RIT2: variants seen among roughly 807,000 people sequenced by gnomAD.
RIT2 encodes Ras like without CAAX 2.
Under a neutral mutation model 23.7 loss-of-function variants are expected in RIT2, and 24 were observed. The observed-to-expected ratio is 1.01, with a 90% CI of 0.73 to 1.43. The LOEUF (loss-of-function observed/expected upper bound fraction) is 1.43, where lower values mean the gene tolerates loss of function less well. RIT2 is among the 40% of genes most tolerant of loss of function. RIT2 has a pLI of 0.00. For synonymous variants in RIT2, 107 were observed against 91.1 expected, an observed-to-expected ratio of 1.17 and a Z score of -0.99; for missense variants, 236 against 266.9, an observed-to-expected ratio of 0.88 and a Z score of 0.81.
At chr18:43,114,186 C>T (rs1229218008) in intron 1 of RIT2, among the ~76,000 whole-genome samples, 3 of 151,986 alleles carry the variant, frequency 2.0e-5, no homozygotes, top group Non-Finnish European at 4.4e-5. Context: ...ATTTTTTTCA[C>T]TTTGATATGC....
intron 1 of RIT2, among the ~76,000 whole-genome samples, chr18:43,063,179 A>G (rs1484345513): frequency 6.6e-6 from 1 of 152,178 alleles, no homozygotes; most frequent in Non-Finnish European, 1.5e-5. Context: ...AAAAAGAGAT[A>G]ATACATCTTA....
chr18:42,952,841 T>C (rs1272263272), intron 3 of RIT2, among the ~76,000 whole-genome samples: 1 of 152,008 alleles, frequency 6.6e-6, no homozygotes, highest in Non-Finnish European at 1.5e-5. Context: ...TCAGAGTTCC[T>C]ATATATCTAT....
chr18:42,957,012 T>C (rs1035165079), intron 3 of RIT2, among the ~76,000 whole-genome samples: 4 of 152,194 alleles, frequency 2.6e-5, no homozygotes, highest in African/African-American at 9.6e-5. Flanking sequence ...TCTGGGCTGT[T>C]CTATGGCAAA....
At position 42,968,370 on chromosome 18, in the gene RIT2, T is replaced by G. The variant is rs1199068130; in HGVS notation, c.234+5704A>C. 2.0e-5 allele frequency among the ~76,000 whole-genome samples: 3 copies of G among 152,192 alleles called. No homozygotes were observed. The East Asian group carries it at 5.8e-4, about 29-fold the overall frequency. ...TACAGCAGGAGATACCAACTAGGAA[T>G]GTCCTGGGAAAATCAGGATTCATGC... On this transcript the variant is annotated intron_variant, in intron 3 of 4. Transcript: ENST00000326695.
At chr18:42,973,390 G>T (rs1910406369) in intron 3 of RIT2, among the ~76,000 whole-genome samples, 1 of 151,276 alleles carries the variant, frequency 6.6e-6, no homozygotes, top group South Asian at 2.1e-4. Context: ...TTTATGTCTA[G>T]CACTTAATAT....
chr18:42,974,266 A>G (rs1038441276), intron 2 of RIT2, 119 bp from the exon 3 acceptor site: 3 of 666,318 alleles, frequency 4.5e-6, no homozygotes, highest in African/African-American at 3.7e-5. Context: ...ATATTCCTCA[A>G]ATAACGTATA....
intron 4 of RIT2, among the ~76,000 whole-genome samples, chr18:42,823,402 A>G (rs1906205562): frequency 6.6e-6 from 1 of 152,176 alleles, no homozygotes; most frequent in Non-Finnish European, 1.5e-5. Context: ...TGTTATTTCC[A>G]TGCATCTGCA....
chr18:42,812,592 C>T (rs1205860165), intron 4 of RIT2, among the ~76,000 whole-genome samples: 1 of 152,112 alleles, frequency 6.6e-6, no homozygotes, highest in Non-Finnish European at 1.5e-5. Context: ...TTTCCTCTCT[C>T]AGAGACAGAA....
At chr18:42,795,668 C>T (rs1370926814) in intron 4 of RIT2, among the ~76,000 whole-genome samples, 1 of 152,256 alleles carries the variant, frequency 6.6e-6, no homozygotes, top group East Asian at 1.9e-4. Context: ...GTGCGGGATC[C>T]ACTGGGTGAA....
chr18:42,744,451 C>T (rs1348224326), intron 4 of RIT2, among the ~76,000 whole-genome samples: 4 of 152,148 alleles, frequency 2.6e-5, no homozygotes, highest in African/African-American at 4.8e-5. Context: ...GAAATCAGCT[C>T]TCCAGAATTC....
In RIT2 at chr18:43,115,573, G is replaced by T; in HGVS notation, c.-54C>A. 18 of 1,583,306 alleles carry T rather than the reference G, an allele frequency of 1.1e-5. No individual in the cohort carries two copies. The highest frequency in any genetic ancestry group is 1.7e-4 in the Middle Eastern group (1 of 5,900). On this transcript the variant is annotated 5_prime_UTR_variant, in exon 1 of 5. Transcript: ENST00000326695. ...AAGGAGAAAGTCACCCGTGTCAGGT[G>T]CTTGCTCGAATATTAAGCAACTCTA...
chr18:42,871,178 C>G (rs750463846), intron 4 of RIT2, among the ~76,000 whole-genome samples: 4 of 152,156 alleles, frequency 2.6e-5, no homozygotes, highest in Non-Finnish European at 5.9e-5. Context: ...TATTCATCAC[C>G]TAAACTCTCT....
intron 4 of RIT2, among the ~76,000 whole-genome samples, chr18:42,865,752 G>C (rs1907453010): frequency 6.6e-6 from 1 of 152,072 alleles, no homozygotes; most frequent in African/African-American, 2.4e-5. Flanking sequence ...CTAGAATTTA[G>C]AAAGACTAAA....
At chr18:42,938,538 A>G (rs1909517869) in intron 3 of RIT2, among the ~76,000 whole-genome samples, 1 of 152,188 alleles carries the variant, frequency 6.6e-6, no homozygotes, top group African/African-American at 2.4e-5. Flanking sequence ...AAGACTTAAC[A>G]AGATAACCAA....
chr18:43,109,388 G>T (rs946195689), intron 1 of RIT2, among the ~76,000 whole-genome samples: 1 of 152,270 alleles, frequency 6.6e-6, no homozygotes, highest in African/African-American at 2.4e-5. Context: ...AATCTCAAAA[G>T]ATATTTTTTC....
At chr18:42,920,683 G>T in intron 4 of RIT2, 1 of 1,567,692 alleles carries the variant, frequency 6.4e-7, no homozygotes, top group East Asian at 2.2e-5. Context: ...AAGAATACAG[G>T]CACCTATTCT....
At position 42,862,875 on chromosome 18, in the gene RIT2, A is replaced by T. The variant is rs149820558; in HGVS notation, c.426+60697T>A. On this transcript the variant is annotated intron_variant, in intron 4 of 4. Transcript: ENST00000326695. Reference sequence around the variant, plus strand: ...CCAACAAGATTATGAAACTCCTGAGAACAAAGAACAAATCTCCTAACTTTT... The same window carrying T: ...CCAACAAGATTATGAAACTCCTGAGTACAAAGAACAAATCTCCTAACTTTT... 1.4e-3 allele frequency among the ~76,000 whole-genome samples: 216 copies of T among 152,312 alleles called. 2 individuals are homozygous for T. Among genetic ancestry groups the T allele is most frequent in the African/African-American group, 5.1e-3 (211 of 41,582 alleles).
At chr18:43,077,918 C>G (rs962896710) in intron 1 of RIT2, among the ~76,000 whole-genome samples, 3 of 152,050 alleles carry the variant, frequency 2.0e-5, no homozygotes, top group Non-Finnish European at 4.4e-5. Flanking sequence ...GCAAAATTAC[C>G]TAGATGCTGA....
At chr18:43,036,606 A>G (rs1471230124) in intron 1 of RIT2, among the ~76,000 whole-genome samples, 1 of 152,072 alleles carries the variant, frequency 6.6e-6, no homozygotes, top group Non-Finnish European at 1.5e-5. Flanking sequence ...GTATATATTT[A>G]CATGATGGAG....
Sources: gnomAD v4.1 joint callset for allele counts (sites outside exome capture counted in the v4.1 genomes callset) on GRCh38, gnomAD v4.1.1 for gene constraint, MANE v1.5 for transcripts, NCBI Gene and HGNC (gene_info 2026-07-23, HGNC 2026-07-21) for gene names.